The following SPATA13 variants were observed in gnomAD, a reference collection of about 807,000 sequenced individuals.
SPATA13 encodes spermatogenesis-associated protein 13.
SPATA13 carries 50 observed loss-of-function variants against 104.0 expected under a neutral mutation model. The observed-to-expected ratio is 0.48, with a 90% confidence interval of 0.38 to 0.61. SPATA13 has a LOEUF of 0.61. Among genes scored for constraint, SPATA13 ranks in the 20% least tolerant of loss-of-function variants. The pLI is 0.00. For synonymous variants in SPATA13, 606 were observed against 667.5 expected (o/e 0.91, Z 1.42); for missense variants, 1,524 against 1,690.6 (o/e 0.90, Z 1.73).
chr13:24,241,339 T>C (rs1267118268), intron 2 of SPATA13, among the ~76,000 whole-genome samples: 1 of 152,246 alleles, frequency 6.6e-6, no homozygotes, highest in Non-Finnish European at 1.5e-5. Flanking sequence ...TTAATGACCC[T>C]GTCTGCCCCT....
chr13:24,105,587 G>A (rs1226556547), intron 3 of SPATA13, among the ~76,000 whole-genome samples: 1 of 152,138 alleles, frequency 6.6e-6, no homozygotes, highest in African/African-American at 2.4e-5. Context: ...GGTGAGATTT[G>A]AAGCAGCTAA....
intron 1 of SPATA13, among the ~76,000 whole-genome samples, chr13:24,212,500 C>T (rs1871083075): frequency 6.6e-6 from 1 of 152,132 alleles, no homozygotes; most frequent in South Asian, 2.1e-4. Context: ...GCCAAACCAC[C>T]TGACTCTGTT....
At chr13:24,287,397 A>C (rs933105948) in intron 7 of SPATA13, among the ~76,000 whole-genome samples, 3 of 152,154 alleles carry the variant, frequency 2.0e-5, no homozygotes, top group African/African-American at 7.2e-5. Context: ...TCATGGACTG[A>C]AGCACTTTTC....
chr13:24,082,826 CAAAAAAAAAAAAAAAA>C (rs3075296), intron 3 of SPATA13, among the ~76,000 whole-genome samples: 3 of 50,064 alleles, frequency 6.0e-5, no homozygotes, highest in African/African-American at 8.5e-5. Flanking sequence ...GACTCCGTCT[CAAAAAAAAAAAAAAAA>C]AAAAAAAAAA....
At chr13:23,992,004 C>G (rs1008425660) in intron 2 of SPATA13, among the ~76,000 whole-genome samples, 1 of 152,224 alleles carries the variant, frequency 6.6e-6, no homozygotes, top group Non-Finnish European at 1.5e-5. Context: ...TGAGTGGTTA[C>G]TACAAGCCAA....
chr13:24,230,448 GT>G (rs1357183037), intron 2 of SPATA13, among the ~76,000 whole-genome samples: 1 of 152,202 alleles, frequency 6.6e-6, no homozygotes, highest in East Asian at 1.9e-4. Context: ...GTGGAGTGGG[GT>G]CTTTAGTGCC....
chr13:23,995,495 G>T (rs114420335), intron 2 of SPATA13, among the ~76,000 whole-genome samples: 3 of 152,230 alleles, frequency 2.0e-5, no homozygotes, highest in African/African-American at 4.8e-5. Flanking sequence ...CAGAGGTCAG[G>T]TCTGGCAGGG....
At chr13:24,210,012 A>G (rs929761664) in intron 1 of SPATA13, among the ~76,000 whole-genome samples, 19 of 152,050 alleles carry the variant, frequency 1.2e-4, no homozygotes, top group Non-Finnish European at 2.2e-4. Flanking sequence ...TTTCCCTGAG[A>G]ATTTTGATGT....
At chr13:24,037,259 G>T (rs1303048911) in intron 3 of SPATA13, among the ~76,000 whole-genome samples, 2 of 149,930 alleles carry the variant, frequency 1.3e-5, no homozygotes, top group African/African-American at 2.5e-5. Flanking sequence ...TGTAAATGAC[G>T]AGTTAATGGG....
chr13:24,057,005 T>TTCTC (rs60596587), intron 3 of SPATA13, among the ~76,000 whole-genome samples: 16 of 131,178 alleles, frequency 1.2e-4, no homozygotes, highest in African/African-American at 3.8e-4. Flanking sequence ...GCTGTTTTCT[T>TTCTC]TCTCTCTCTC....
chr13:24,128,245 TC>T (rs1881282945), intron 3 of SPATA13, among the ~76,000 whole-genome samples: 1 of 151,912 alleles, frequency 6.6e-6, no homozygotes, highest in African/African-American at 2.4e-5. Flanking sequence ...TTGGACATTG[TC>T]CTTGTGCCCG....
At chr13:24,071,229 G>T (rs1468934359) in intron 3 of SPATA13, among the ~76,000 whole-genome samples, 1 of 152,130 alleles carries the variant, frequency 6.6e-6, no homozygotes, top group Admixed American at 6.5e-5. Flanking sequence ...TGAGCCCTAG[G>T]ACTCATAGTA....
chr13:23,990,185 C>T (rs1406351143), intron 2 of SPATA13, among the ~76,000 whole-genome samples: 1 of 152,192 alleles, frequency 6.6e-6, no homozygotes, highest in East Asian at 1.9e-4. Flanking sequence ...CCACCTCCAG[C>T]TGTGTTGTTG....
At chr13:24,090,610 A>C (rs778157492) in intron 3 of SPATA13, among the ~76,000 whole-genome samples, 1 of 151,872 alleles carries the variant, frequency 6.6e-6, no homozygotes, top group African/African-American at 2.4e-5. Context: ...CACTGTCCCT[A>C]CCCCACTTAG....
At chr13:24,289,241 A>C in intron 8 of SPATA13, 63 bp downstream of exon 8, 4 of 1,339,346 alleles carry the variant, frequency 3.0e-6, no homozygotes, top group African/African-American at 1.5e-5. Context: ...GTGCATCTCC[A>C]CAGAAAACAG....
chr13:23,990,370 G>C (rs1875355065), intron 2 of SPATA13, among the ~76,000 whole-genome samples: 1 of 152,246 alleles, frequency 6.6e-6, no homozygotes, highest in East Asian at 1.9e-4. Context: ...GCATGCCCTG[G>C]CTCACTCCCT....
At chr13:24,173,224 T>C (rs556943230) in intron 1 of SPATA13, among the ~76,000 whole-genome samples, 1 of 152,234 alleles carries the variant, frequency 6.6e-6, no homozygotes, top group East Asian at 1.9e-4. Flanking sequence ...ACTATAGGCA[T>C]GTGTCACCAG....
intron 2 of SPATA13, among the ~76,000 whole-genome samples, chr13:24,008,899 GA>G (rs1876344868): frequency 6.6e-6 from 1 of 152,242 alleles, no homozygotes; most frequent in Admixed American, 6.5e-5. Context: ...GAGGAGGGAA[GA>G]GGGGGGAAAG....
chr13:24,286,700 C>T lies in SPATA13; in HGVS notation c.2482-65C>T. 1.3e-6 allele frequency: 2 copies of T among 1,484,896 alleles called. No individual in the cohort carries two copies. Among genetic ancestry groups the T allele is most frequent in the Non-Finnish European group, 9.2e-7 (1 of 1,089,632 alleles). The allele number at this position is 1,484,896 out of a possible 1,614,324, so 92.0% of individuals were successfully genotyped here. A position where few individuals can be genotyped will look rare whatever the true frequency, so the allele number is the denominator to read the frequency against. On this transcript the variant is annotated intron_variant, in intron 6 of 12. Coordinates refer to ENST00000382108, the MANE Select transcript of SPATA13 (RefSeq NM_001166271.3). This position sits in a 1 kb window ranked among gnomAD's most constrained non-coding sequence, Gnocchi z 4.9. ...AGGAAAGTAGGAACCTGGGAGGTCT[C>T]CTGCCTCTGCTCCATGCTGCCCTCC...
Sources: allele counts gnomAD v4.1 joint callset (sites outside exome capture counted in the v4.1 genomes callset), GRCh38; gene constraint gnomAD v4.1.1; non-coding constraint Gnocchi (gnomAD v3.1); transcripts MANE v1.5; gene names NCBI Gene and HGNC (gene_info 2026-07-23, HGNC 2026-07-21).